The following MED12 variants were observed in gnomAD, a reference collection of about 807,000 sequenced individuals.
The protein encoded by MED12 is mediator of RNA polymerase II transcription subunit 12.
A neutral mutation model predicts 177.7 loss-of-function variants in MED12; 10 were observed. That is an observed-to-expected ratio of 0.06 (90% CI 0.03 to 0.10). MED12 has a LOEUF of 0.10. MED12 is among the 10% of genes least tolerant of loss of function. The probability of loss-of-function intolerance (pLI) is 1.00; values close to 1 mark genes in which losing one functional copy is unlikely to be tolerated. For missense variants in MED12, 867 were observed against 1,780.8 expected (o/e 0.49, Z 9.23); for synonymous variants, 641 against 678.4 (o/e 0.94, Z 0.86).
intron 41 of MED12, among the ~76,000 whole-genome samples, chrX:71,139,678 C>G (rs1319850772): frequency 9.0e-6 from 1 of 110,819 alleles, no homozygotes; most frequent in Non-Finnish European, 1.9e-5. Context: ...GCAGGCAGAT[C>G]ACCTAAGATC....
At chrX:71,130,405 C>G (rs1199641460) in intron 28 of MED12, among the ~76,000 whole-genome samples, 191 bp downstream of exon 28, 1 of 112,515 alleles carries the variant, frequency 8.9e-6, no homozygotes, top group Non-Finnish European at 1.9e-5. Context: ...GGTCTAGACT[C>G]CAGTGTAAGA....
chrX:71,133,336 GTT>G (rs373336965), intron 33 of MED12, 124 bp downstream of exon 33: 1,256 of 406,023 alleles, frequency 3.1e-3, no homozygotes, highest in Admixed American at 3.8e-3. Context: ...GTCTTGAAGG[GTT>G]TTTTTTTTTT....
rs765727984 is a variant in MED12 at position 71,132,144 on chromosome X, G to T, written c.4191G>T (p.Gly1397=). 2 of 1,210,110 alleles carry T rather than the reference G, an allele frequency of 1.7e-6. No individual in the cohort carries two copies. Among genetic ancestry groups the T allele is most frequent in the South Asian group, 1.8e-5 (1 of 56,945 alleles). Residue 1397 remains glycine, a synonymous_variant, in exon 30 of 45, where the codon GGG becomes GGT. Coordinates refer to ENST00000374080, the MANE Select transcript of MED12 (RefSeq NM_005120.3). ...TTTTCCAACAGTCAGCAGAGACAGG[G>T]TCATCTTCTGGAAGTACTGCAAGCA... ...IEVFQQSAET[G]SSSGSTASNM...
In MED12 at chrX:71,130,227, C is replaced by T. The variant is rs371549487; in HGVS notation, c.4047+13C>T. The stretch of plus-strand genomic sequence containing the variant: ...GCGCATTCTCCAGGTAGGCCAAGGC[C>T]GTGGGGGCTGTGGAGGAAGCAGTGG... On this transcript the variant is annotated intron_variant, in intron 28 of 44. Transcript: ENST00000374080. 5.0e-6 allele frequency: 6 copies of T among 1,197,864 alleles called. No individual in the cohort carries two copies. The African/African-American group carries it at 5.2e-5, about 10-fold the overall frequency.
chrX:71,125,522 C>G (rs761565785), intron 16 of MED12, 27 bp downstream of exon 16: 41 of 1,204,862 alleles, frequency 3.4e-5, no homozygotes, highest in Non-Finnish European at 4.6e-5. Flanking sequence ...TTAAACAGAT[C>G]TCCCCCAAAG....
chrX:71,133,586 G>A (rs1337851819), intron 33 of MED12, among the ~76,000 whole-genome samples: 2 of 110,337 alleles, frequency 1.8e-5, no homozygotes, highest in Non-Finnish European at 3.8e-5. Context: ...CGTCTGTCTC[G>A]GCCTCCCAAA....
chrX:71,131,525 C>T, intron 28 of MED12, 25 bp from the exon 29 acceptor site: 1 of 1,204,278 alleles, frequency 8.3e-7, no homozygotes, highest in East Asian at 3.0e-5. Context: ...TGATGACTAG[C>T]CTGGGTGTGG....
Position 71,121,165 on chromosome X carries a change from G to T in MED12, c.735+13G>T. On this transcript the variant is annotated intron_variant, in intron 5 of 44. Coordinates refer to ENST00000374080, the MANE Select transcript of MED12 (RefSeq NM_005120.3). ...GTTCATGTTTCAGGTAGAGAGTAGG[G>T]CATGCTGTGTGGGGCATTGGGTTGA... 1.7e-6 allele frequency: 2 copies of T among 1,210,653 alleles called. No individual in the cohort carries two copies. Among genetic ancestry groups the T allele is most frequent in the Non-Finnish European group, 2.2e-6 (2 of 895,252 alleles).
intron 34 of MED12, 69 bp downstream of exon 34, chrX:71,134,535 C>T: frequency 2.2e-6 from 2 of 916,087 alleles, no homozygotes; most frequent in Non-Finnish European, 3.1e-6. Context: ...ATGCCAGGTG[C>T]ACCCACTGAG....
chrX:71,132,934 C>A lies in MED12; in HGVS notation c.4505C>A (p.Ser1502Tyr). 1 of 1,186,101 alleles carries A rather than the reference C, an allele frequency of 8.4e-7. No homozygotes were observed. The highest frequency in any genetic ancestry group is 3.0e-5 in the East Asian group (1 of 33,094). ...QDEQREGLLT[S>Y]LYSQVHQIVN... The stretch of plus-strand genomic sequence containing the variant: ...GAACAACGCGAGGGACTCCTTACCT[C>A]CCTCTACAGCCAGGTGCACCAGGTA... Residue 1502 changes from serine (S) to tyrosine (Y), a missense_variant, in exon 32 of 45, where the codon TCC becomes TAC. By Grantham distance (144) the Ser-to-Tyr change is moderately radical. This residue lies in a region of MED12 where 17 missense variants were observed against 76.7 expected (regional missense o/e 0.22). Coordinates refer to ENST00000374080, the MANE Select transcript of MED12 (RefSeq NM_005120.3).
In MED12 at chrX:71,131,804, G is replaced by A. The variant is rs147423866; in HGVS notation, c.4119+183G>A. Among the ~76,000 whole-genome samples the A allele has an allele frequency of 3.5e-3, 390 of 111,360 alleles. 1 individual carries two copies. Among genetic ancestry groups the A allele is most frequent in the African/African-American group, 0.012 (368 of 30,615 alleles). ...AGGGAAATGGGTTGAGAGTGTTGGA[G>A]CTCTGAGCTGTGGGGAAGCTTGGTG... On this transcript the variant is annotated intron_variant, in intron 29 of 44. Coordinates refer to ENST00000374080, the MANE Select transcript of MED12 (RefSeq NM_005120.3).
rs770381266 is a variant in MED12 at position 71,141,389 on chromosome X, C to T, written c.6408+19C>T. 2 of 1,167,703 alleles carry T rather than the reference C, an allele frequency of 1.7e-6. No individual in the cohort carries two copies. The highest frequency in any genetic ancestry group is 2.6e-5 in the Admixed American group (1 of 38,801). On this transcript the variant is annotated intron_variant, in intron 43 of 44. Transcript: ENST00000374080. The stretch of plus-strand genomic sequence containing the variant: ...GCCCCAGGTAGCTGCTGGACTACAG[C>T]CCCAGGCTCAGGGACAGCTGCCCAG...
chrX:71,140,924 A>G, intron 42 of MED12, 67 bp downstream of exon 42: 1 of 1,194,900 alleles, frequency 8.4e-7, no homozygotes, highest in Non-Finnish European at 1.1e-6. Context: ...AGTTCTTCCC[A>G]CACAGTTACC....
intron 41 of MED12, 53 bp from the exon 42 acceptor site, chrX:71,140,582 C>T: frequency 8.3e-7 from 1 of 1,210,523 alleles, no homozygotes; most frequent in Non-Finnish European, 1.1e-6. Context: ...TTATACTGAC[C>T]CCCTCTCCTC....
At chrX:71,121,479 TAAG>T (rs1414011593) in intron 6 of MED12, 42 bp downstream of exon 6, 34 of 1,209,342 alleles carry the variant, frequency 2.8e-5, no homozygotes, top group Non-Finnish European at 3.8e-5. Flanking sequence ...AGGGGGAGTC[TAAG>T]AAGAATTTGA....
At chrX:71,125,580 C>T in intron 16 of MED12, 83 bp from the exon 17 acceptor site, 1 of 1,180,576 alleles carries the variant, frequency 8.5e-7, no homozygotes. Context: ...ACTCCCCAGT[C>T]ATGTCCCAAT....
In MED12 at chrX:71,122,253, TAGC is replaced by T. The variant is rs1291274446; in HGVS notation, c.1158_1160del (p.Ser386del). 1 of 1,210,009 alleles carries T rather than the reference TAGC, an allele frequency of 8.3e-7. No homozygotes were observed. The highest frequency in any genetic ancestry group is 1.7e-5 in the African/African-American group (1 of 57,217). ...TGGTTTGGCACTACTCACTGACTGA[TAGC>T]AGAATTAAGACCGGCTCACCACTTG... On this transcript the variant is annotated inframe_deletion, in exon 8 of 45. Coordinates refer to ENST00000374080, the MANE Select transcript of MED12 (RefSeq NM_005120.3).
At chrX:71,139,263 CTTGAG>C (rs2092340577) in intron 41 of MED12, among the ~76,000 whole-genome samples, 1 of 111,666 alleles carries the variant, frequency 9.0e-6, no homozygotes, top group Admixed American at 9.5e-5. Flanking sequence ...GGAGGTCAGA[CTTGAG>C]TTGGCCTCTG....
Position 71,126,030 on chromosome X carries a change from C to T in MED12, c.2423-6C>T, listed in dbSNP as rs1216312220. 10 of 1,194,219 alleles carry T rather than the reference C, an allele frequency of 8.4e-6. No individual in the cohort carries two copies. Among genetic ancestry groups the T allele is most frequent in the Non-Finnish European group, 1.1e-5 (10 of 882,392 alleles). Reference sequence around the variant, plus strand: ...CTTGACTGGTCCCTTTCAACTGTCCCCTCAGGTGGGGAGGATGGGCAGAAG... The same window carrying T: ...CTTGACTGGTCCCTTTCAACTGTCCTCTCAGGTGGGGAGGATGGGCAGAAG... On this transcript the variant is annotated splice_region_variant and splice_polypyrimidine_tract_variant and intron_variant, in intron 17 of 44. Coordinates refer to ENST00000374080, the MANE Select transcript of MED12 (RefSeq NM_005120.3).
Sources: gnomAD v4.1 joint callset for allele counts (sites outside exome capture counted in the v4.1 genomes callset) on GRCh38, gnomAD v4.1.1 for gene constraint, gnomAD v4.1.1 regional missense constraint, MANE v1.5 for transcripts, NCBI Gene and HGNC (gene_info 2026-07-23, HGNC 2026-07-21) for gene names.